RNF150: variants seen among roughly 807,000 people sequenced by gnomAD.
RNF150 encodes the protein ring finger protein 150.
Under a neutral mutation model 39.3 loss-of-function variants are expected in RNF150, and 24 were observed. That is an observed-to-expected ratio of 0.61 (90% CI 0.44 to 0.86). RNF150 has a LOEUF of 0.86. Ranked by LOEUF, RNF150 falls within the 40% of genes least tolerant of loss-of-function variation. The pLI is 0.00. For missense variants in RNF150, 502 were observed against 587.8 expected (o/e 0.85, Z 1.51); for synonymous variants, 255 against 227.3 (o/e 1.12, Z -1.10).
chr4:141,189,511 C>T (rs904815438), intron 1 of RNF150, among the ~76,000 whole-genome samples: 4 of 152,304 alleles, frequency 2.6e-5, no homozygotes, highest in Admixed American at 6.5e-5. Context: ...TGCCCCTTCC[C>T]CCAGGAGCTC....
chr4:141,053,224 T>A (rs981193345), intron 1 of RNF150, among the ~76,000 whole-genome samples: 4 of 152,138 alleles, frequency 2.6e-5, no homozygotes, highest in African/African-American at 9.7e-5. Context: ...TCCTGATACA[T>A]ACTCGATACA....
chr4:140,870,267 A>T (rs1482744841), intron 6 of RNF150, among the ~76,000 whole-genome samples: 1 of 152,206 alleles, frequency 6.6e-6, no homozygotes, highest in Non-Finnish European at 1.5e-5. Flanking sequence ...ATCAATGGTT[A>T]AATGAAAACC....
chr4:141,143,741 T>C (rs1016479184), intron 1 of RNF150, among the ~76,000 whole-genome samples: 1 of 152,166 alleles, frequency 6.6e-6, no homozygotes, highest in Non-Finnish European at 1.5e-5. Context: ...TTTCAGATCC[T>C]CACATGCAAC....
chr4:141,128,583 C>T (rs1043466149), intron 1 of RNF150, among the ~76,000 whole-genome samples: 2 of 152,140 alleles, frequency 1.3e-5, no homozygotes. Flanking sequence ...TGAAAGTTCA[C>T]TTCTGGGGCT....
chr4:140,901,895 G>A (rs973570175), intron 6 of RNF150, among the ~76,000 whole-genome samples: 1 of 152,086 alleles, frequency 6.6e-6, no homozygotes, highest in African/African-American at 2.4e-5. Context: ...ATGGGAGGAC[G>A]GTGTACCTGG....
chr4:140,979,654 C>T (rs1430053549), intron 1 of RNF150, among the ~76,000 whole-genome samples: 1 of 151,882 alleles, frequency 6.6e-6, no homozygotes, highest in Non-Finnish European at 1.5e-5. Flanking sequence ...CTAACCTTGG[C>T]TTCCACTGGG....
Position 140,957,046 on chromosome 4 carries a change from T to C in RNF150, c.736-7674A>G, listed in dbSNP as rs1277360017. Among the ~76,000 whole-genome samples, 56 of 148,890 alleles carry C rather than the reference T, an allele frequency of 3.8e-4. 1 individual carries two copies. The highest frequency in any genetic ancestry group is 3.3e-3 in the Admixed American group (49 of 14,956). On this transcript the variant is annotated intron_variant, in intron 2 of 6. Transcript: ENST00000515673. The stretch of plus-strand genomic sequence containing the variant: ...AAAGCAATGGCAACAAAAGCCAAAA[T>C]TGACAAATGGGATCTAATTAAACTA...
chr4:141,116,195 G>A (rs1739544131), intron 1 of RNF150, among the ~76,000 whole-genome samples: 1 of 152,200 alleles, frequency 6.6e-6, no homozygotes, highest in African/African-American at 2.4e-5. Context: ...TATCATCAGA[G>A]TGAACAGGCA....
chr4:140,871,002 C>CTCTCTA (rs1477121205), intron 6 of RNF150, among the ~76,000 whole-genome samples: 1 of 144,274 alleles, frequency 6.9e-6, no homozygotes, highest in Non-Finnish European at 1.5e-5. Flanking sequence ...CTCTCTCTCT[C>CTCTCTA]TATATATATA....
chr4:141,159,596 G>T (rs749294491), intron 1 of RNF150, among the ~76,000 whole-genome samples: 1 of 152,044 alleles, frequency 6.6e-6, no homozygotes, highest in Non-Finnish European at 1.5e-5. Flanking sequence ...TGGCTGGAGT[G>T]CAGTGGCGCA....
At chr4:141,034,628 T>C (rs763110891) in intron 1 of RNF150, among the ~76,000 whole-genome samples, 6 of 152,204 alleles carry the variant, frequency 3.9e-5, no homozygotes, top group Admixed American at 6.6e-5. Context: ...CATATGACTT[T>C]TCCTTTTACT....
intron 1 of RNF150, among the ~76,000 whole-genome samples, chr4:141,027,940 T>TG (rs1735781707): frequency 1.5e-5 from 2 of 133,486 alleles, no homozygotes; most frequent in African/African-American, 5.5e-5. Flanking sequence ...TTTTTTTTTT[T>TG]TTTTTTTTTT....
intron 1 of RNF150, among the ~76,000 whole-genome samples, chr4:141,045,690 T>C (rs6823059): frequency 0.03 from 4,598 of 152,000 alleles, 247 homozygotes; most frequent in African/African-American, 0.1. Flanking sequence ...ATTACAGGCG[T>C]CCACCACCAT....
intron 1 of RNF150, among the ~76,000 whole-genome samples, chr4:141,209,284 T>C (rs1445471703): frequency 6.6e-6 from 1 of 152,182 alleles, no homozygotes; most frequent in African/African-American, 2.4e-5. Flanking sequence ...TAATATACTA[T>C]TGTACATGCT....
intron 4 of RNF150, among the ~76,000 whole-genome samples, chr4:140,942,073 T>C (rs939826864): frequency 5.9e-5 from 9 of 152,210 alleles, no homozygotes; most frequent in African/African-American, 2.2e-4. Context: ...ACAGTGGCGA[T>C]GGTTTCACAG....
At chr4:140,972,252 C>T (rs1733495788) in intron 1 of RNF150, among the ~76,000 whole-genome samples, 1 of 152,050 alleles carries the variant, frequency 6.6e-6, no homozygotes. Flanking sequence ...ATTTTAAAAA[C>T]TGCAAAATAC....
chr4:141,050,616 T>C (rs1382178811), intron 1 of RNF150, among the ~76,000 whole-genome samples: 3 of 152,140 alleles, frequency 2.0e-5, no homozygotes, highest in African/African-American at 7.2e-5. Context: ...GCAGGGCAGT[T>C]GAATCTTAAA....
At chr4:141,073,666 G>C (rs377434026) in intron 1 of RNF150, among the ~76,000 whole-genome samples, 4 of 151,210 alleles carry the variant, frequency 2.6e-5, no homozygotes, top group East Asian at 1.9e-4. Flanking sequence ...TCAAGCTCGG[G>C]GGGGGAAGTC....
chr4:140,888,646 G>A (rs576832920), intron 6 of RNF150, among the ~76,000 whole-genome samples: 1 of 152,338 alleles, frequency 6.6e-6, no homozygotes, highest in African/African-American at 2.4e-5. Flanking sequence ...AAGGGGGACT[G>A]AGCTGAGCCT....
Sources: gnomAD v4.1 joint callset for allele counts (sites outside exome capture counted in the v4.1 genomes callset) on GRCh38, gnomAD v4.1.1 for gene constraint, MANE v1.5 for transcripts, NCBI Gene and HGNC (gene_info 2026-07-23, HGNC 2026-07-21) for gene names.